Variants in NRXN3 observed in about 807,000 individuals in gnomAD.
NRXN3 encodes the protein neurexin III.
Under a neutral mutation model 137.6 loss-of-function variants are expected in NRXN3, and 32 were observed. That is an observed-to-expected ratio of 0.23 (90% CI 0.18 to 0.31). NRXN3 has a LOEUF of 0.31. Among genes scored for constraint, NRXN3 ranks in the 10% least tolerant of loss-of-function variants. The pLI is 1.00. For missense variants in NRXN3, 1,574 were observed against 2,062.5 expected (o/e 0.76, Z 4.59); for synonymous variants, 798 against 784.5 (o/e 1.02, Z -0.29).
chr14:79,071,526 T>G (rs1433843319), intron 15 of NRXN3, among the ~76,000 whole-genome samples: 1 of 152,178 alleles, frequency 6.6e-6, no homozygotes, highest in Non-Finnish European at 1.5e-5. Context: ...ACCCAACCAA[T>G]GGATTTGCAG....
intron 4 of NRXN3, among the ~76,000 whole-genome samples, chr14:78,613,534 C>G (rs1390992779): frequency 1.3e-5 from 2 of 148,536 alleles, no homozygotes; most frequent in Non-Finnish European, 3.0e-5. Flanking sequence ...GAAAAGGGGG[C>G]ACAGAGTCTT....
At chr14:79,741,182 T>A (rs1285057673) in intron 19 of NRXN3, among the ~76,000 whole-genome samples, 2 of 152,156 alleles carry the variant, frequency 1.3e-5, no homozygotes, top group Admixed American at 1.3e-4. Flanking sequence ...TCATTTATCC[T>A]CTAGGACATT....
In NRXN3 at chr14:79,234,622, T is replaced by G. The variant is rs2073053078; in HGVS notation, c.3263-232599T>G. 4.6e-5 allele frequency among the ~76,000 whole-genome samples: 7 copies of G among 151,618 alleles called. No individual in the cohort carries two copies. In the South Asian group the frequency reaches 1.5e-3, roughly 32 times the overall value. ...ATGGTCTCAAATTCCTGCCCTCGAG[T>G]GATCTGCCTTCGACCTCCCAACATG... On this transcript the variant is annotated intron_variant, in intron 15 of 20. Transcript: ENST00000335750.
chr14:79,814,711 A>G (rs942190516), intron 20 of NRXN3, among the ~76,000 whole-genome samples: 3 of 152,156 alleles, frequency 2.0e-5, no homozygotes, highest in Admixed American at 2.0e-4. Flanking sequence ...TTTCTTCAGG[A>G]GCAGATCAAC....
chr14:79,474,824 G>A (rs777072227), intron 16 of NRXN3, among the ~76,000 whole-genome samples: 3 of 152,148 alleles, frequency 2.0e-5, no homozygotes, highest in Admixed American at 6.6e-5. Flanking sequence ...AGAAGGAAGA[G>A]AGGGAAAGAG....
chr14:79,252,255 G>A (rs964815851), intron 15 of NRXN3, among the ~76,000 whole-genome samples: 2 of 152,102 alleles, frequency 1.3e-5, no homozygotes, highest in African/African-American at 2.4e-5. Context: ...ACCAGAAATC[G>A]AGTTTATCTT....
chr14:78,270,958 T>G, intron 2 of NRXN3, among the ~76,000 whole-genome samples: 1 of 152,324 alleles, frequency 6.6e-6, no homozygotes, highest in South Asian at 2.1e-4. Flanking sequence ...ACACTCAAAG[T>G]GCACACATCT....
chr14:78,239,439 T>G (rs1269721393), intron 1 of NRXN3, among the ~76,000 whole-genome samples: 2 of 152,200 alleles, frequency 1.3e-5, no homozygotes, highest in Non-Finnish European at 2.9e-5. Flanking sequence ...ATGTTGCCCT[T>G]TGACTTGGTT....
At chr14:79,315,759 T>G (rs2088478632) in intron 15 of NRXN3, among the ~76,000 whole-genome samples, 1 of 152,244 alleles carries the variant, frequency 6.6e-6, no homozygotes, top group Admixed American at 6.5e-5. Context: ...ATATTCTTGG[T>G]TGCTCTGTTT....
At chr14:78,691,708 A>G (rs2098172164) in intron 6 of NRXN3, among the ~76,000 whole-genome samples, 1 of 151,628 alleles carries the variant, frequency 6.6e-6, no homozygotes, top group Non-Finnish European at 1.5e-5. Context: ...TGCTGTTAGT[A>G]TTTTCTTCAA....
chr14:79,373,716 A>G (rs2094179652), intron 15 of NRXN3, among the ~76,000 whole-genome samples: 1 of 152,168 alleles, frequency 6.6e-6, no homozygotes, highest in Non-Finnish European at 1.5e-5. Context: ...TTGGTCTTAA[A>G]TTATTTTTAT....
intron 15 of NRXN3, among the ~76,000 whole-genome samples, chr14:79,337,052 A>T (rs1423680180): frequency 5.9e-5 from 9 of 152,132 alleles, no homozygotes; most frequent in Non-Finnish European, 1.2e-4. Context: ...GACCGACAAG[A>T]TGTTTTTCGT....
At chr14:78,798,008 G>T (rs1006079040) in intron 8 of NRXN3, among the ~76,000 whole-genome samples, 1 of 152,062 alleles carries the variant, frequency 6.6e-6, no homozygotes, top group African/African-American at 2.4e-5. Flanking sequence ...ATGAGATTTG[G>T]GTAGAAACAC....
At chr14:78,790,343 G>C (rs1387491521) in intron 8 of NRXN3, among the ~76,000 whole-genome samples, 2 of 152,148 alleles carry the variant, frequency 1.3e-5, no homozygotes, top group Admixed American at 6.5e-5. Context: ...AGATTTTGGG[G>C]AATGAGAAGC....
At chr14:79,424,884 A>AT (rs562315606) in intron 15 of NRXN3, among the ~76,000 whole-genome samples, 5 of 151,934 alleles carry the variant, frequency 3.3e-5, no homozygotes, top group Admixed American at 1.3e-4. Context: ...TTCTTTTTTA[A>AT]TTTTTTTTCC....
chr14:79,774,844 T>C (rs1321457803), intron 19 of NRXN3, among the ~76,000 whole-genome samples: 1 of 152,078 alleles, frequency 6.6e-6, no homozygotes, highest in Non-Finnish European at 1.5e-5. Context: ...ATGGGGCAAA[T>C]ACGTGAGATG....
intron 15 of NRXN3, among the ~76,000 whole-genome samples, chr14:79,133,951 AGG>A (rs2057939916): frequency 7.1e-6 from 1 of 140,372 alleles, no homozygotes; most frequent in Non-Finnish European, 1.5e-5. Flanking sequence ...AAAAAAAAAA[AGG>A]AAAGAAAAAA....
At chr14:79,334,158 A>G (rs535421230) in intron 15 of NRXN3, among the ~76,000 whole-genome samples, 2 of 152,336 alleles carry the variant, frequency 1.3e-5, no homozygotes, top group East Asian at 1.9e-4. Flanking sequence ...TCTTGCCTTT[A>G]TGGAATGGCA....
At chr14:79,514,935 TC>T (rs2096968098) in intron 16 of NRXN3, among the ~76,000 whole-genome samples, 1 of 142,860 alleles carries the variant, frequency 7.0e-6, no homozygotes, top group Admixed American at 6.7e-5. Flanking sequence ...TAAGTGTTAG[TC>T]ACATATTTGC....
Sources: allele counts gnomAD v4.1 joint callset (sites outside exome capture counted in the v4.1 genomes callset), GRCh38; gene constraint gnomAD v4.1.1; transcripts MANE v1.5; gene names NCBI Gene and HGNC (gene_info 2026-07-23, HGNC 2026-07-21).